VDR: variants seen among roughly 807,000 people sequenced by gnomAD.
VDR encodes vitamin D3 receptor.
In VDR, 19 loss-of-function variants were observed where a neutral mutation model predicts 39.7. The ratio of observed to expected loss-of-function variants is 0.48; its 90% CI spans 0.33 to 0.70. The LOEUF (loss-of-function observed/expected upper bound fraction) is 0.70. Among genes scored for constraint, VDR ranks in the 30% least tolerant of loss-of-function variants. The pLI is 0.02. For missense variants in VDR, 442 were observed against 570.5 expected, an observed-to-expected ratio of 0.77 and a Z score of 2.29; for synonymous variants, 242 against 215.8, an observed-to-expected ratio of 1.12 and a Z score of -1.07.
intron 1 of VDR, among the ~76,000 whole-genome samples, chr12:47,884,786 C>T (rs1946222994): frequency 6.6e-6 from 1 of 152,074 alleles, no homozygotes; most frequent in African/African-American, 2.4e-5. Flanking sequence ...GGGGATTGTT[C>T]TTTTCCTTCC....
At chr12:47,871,338 C>CT (rs1555153541) in intron 3 of VDR, among the ~76,000 whole-genome samples, 2 of 145,384 alleles carry the variant, frequency 1.4e-5, no homozygotes, top group African/African-American at 5.1e-5. Flanking sequence ...TTCTTTCTTT[C>CT]TTTCTTTCTT....
chr12:47,879,211 GCCCCCAC>G, intron 2 of VDR, 96 bp from the exon 3 acceptor site: 1 of 1,285,250 alleles, frequency 7.8e-7, no homozygotes, highest in Non-Finnish European at 1.0e-6. Context: ...TCATCCCACC[GCCCCCAC>G]CCCCCACCAC....
chr12:47,860,996 T>C (rs1592111991), intron 4 of VDR, among the ~76,000 whole-genome samples: 1 of 152,268 alleles, frequency 6.6e-6, no homozygotes, highest in Admixed American at 6.5e-5. Flanking sequence ...GCAGGTGCTG[T>C]TGTTATTCCC....
chr12:47,860,439 G>T (rs967192055), intron 4 of VDR, among the ~76,000 whole-genome samples: 1 of 152,190 alleles, frequency 6.6e-6, no homozygotes, highest in African/African-American at 2.4e-5. Context: ...CTCTAGTGCT[G>T]CTTGTCTCCT....
chr12:47,903,866 C>A (rs1476909499), intron 1 of VDR, among the ~76,000 whole-genome samples: 1 of 152,196 alleles, frequency 6.6e-6, no homozygotes, highest in Non-Finnish European at 1.5e-5. Context: ...CTGCTAGAAT[C>A]ATCTCATAGC....
At position 47,844,728 on chromosome 12, in the gene VDR, C is replaced by T. The variant is rs761409143; in HGVS notation, c.*18G>A. The T allele has an allele frequency of 1.6e-5, 26 of 1,613,570 alleles. No homozygotes were observed. The highest frequency in any genetic ancestry group is 7.7e-5 in the South Asian group (7 of 91,086). On this transcript the variant is annotated 3_prime_UTR_variant, in exon 10 of 10. Transcript: ENST00000549336. Reference sequence around the variant, plus strand: ...TGGAGGAGCAGCCCCACCCAGGCACCGCCACAGGCTGTCCTAGTCAGGAGA... The same window carrying T: ...TGGAGGAGCAGCCCCACCCAGGCACTGCCACAGGCTGTCCTAGTCAGGAGA...
intron 6 of VDR, 24 bp downstream of exon 6, chr12:47,857,105 A>G (rs376702030): frequency 5.9e-5 from 96 of 1,613,556 alleles, no homozygotes; most frequent in Admixed American, 2.0e-4. Context: ...CCCTTACTCT[A>G]TGGAGGACTG....
intron 3 of VDR, among the ~76,000 whole-genome samples, chr12:47,872,374 G>A (rs970157406): frequency 2.0e-5 from 3 of 152,280 alleles, no homozygotes; most frequent in South Asian, 4.1e-4. Context: ...GCAGTGGGAG[G>A]GAGTGCTGAG....
chr12:47,897,561 T>C (rs1472310405), intron 1 of VDR, among the ~76,000 whole-genome samples: 4 of 152,316 alleles, frequency 2.6e-5, no homozygotes, highest in South Asian at 2.1e-4. Flanking sequence ...CTTTGTCCCA[T>C]GGGTGGATGG....
chr12:47,855,605 C>A, intron 7 of VDR, 25 bp downstream of exon 7: 1 of 1,613,528 alleles, frequency 6.2e-7, no homozygotes, highest in Non-Finnish European at 8.5e-7. Context: ...GACTCTGTTC[C>A]CCAGAGATTG....
chr12:47,865,008 A>C, intron 4 of VDR, 39 bp downstream of exon 4: 1 of 1,610,660 alleles, frequency 6.2e-7, no homozygotes, highest in Non-Finnish European at 8.5e-7. Flanking sequence ...CCCTGACTCC[A>C]CTTCAGGCCC....
chr12:47,880,283 G>C (rs1946119923), intron 2 of VDR, among the ~76,000 whole-genome samples: 1 of 152,272 alleles, frequency 6.6e-6, no homozygotes, highest in South Asian at 2.1e-4. Flanking sequence ...TTGGGTGACA[G>C]AGGCAGATTC....
rs931443183 is a variant in VDR, at chr12:47,884,151, C to A, written c.-83-1377G>T. 3.9e-5 allele frequency among the ~76,000 whole-genome samples: 6 copies of A among 152,270 alleles called. No individual in the cohort carries two copies. In the East Asian group the frequency reaches 9.6e-4, roughly 24 times the overall value. On this transcript the variant is annotated intron_variant, in intron 1 of 9. Transcript: ENST00000549336. ...GTGCTCAGGAAGGTGAGGTGGGGAC[C>A]GGGTGGATGCAGAAAGGAGCACTGC...
intron 3 of VDR, among the ~76,000 whole-genome samples, chr12:47,867,352 T>C (rs190416308): frequency 8.6e-5 from 13 of 150,716 alleles, no homozygotes; most frequent in African/African-American, 2.9e-4. Context: ...AGACTCTGTC[T>C]CAAAAAAAAA....
intron 1 of VDR, 35 bp from the exon 2 acceptor site, chr12:47,882,809 C>T (rs1022370238): frequency 6.3e-5 from 96 of 1,516,832 alleles, no homozygotes; most frequent in Non-Finnish European, 8.0e-5. Context: ...TTATCTAAGG[C>T]GGAGCGCTGA....
chr12:47,891,233 T>C (rs887419007), intron 1 of VDR, among the ~76,000 whole-genome samples: 21 of 152,190 alleles, frequency 1.4e-4, no homozygotes. Flanking sequence ...CATTCCTGTC[T>C]CCTTATCTAC....
chr12:47,846,456 G>A lies in VDR; in HGVS notation c.908-5C>T. 1 of 1,562,920 alleles carries A rather than the reference G, an allele frequency of 6.4e-7. No homozygotes were observed. Among genetic ancestry groups the A allele is most frequent in the East Asian group, 2.4e-5 (1 of 41,988 alleles). On this transcript the variant is annotated splice_region_variant and splice_polypyrimidine_tract_variant and intron_variant, in intron 8 of 9. Transcript: ENST00000549336. ...TCAGCTCCAGGCTGTGTCCGGCTGTGAGAGACAATGGCCAGGTACTGCGGG... is the reference window on the plus strand; with the variant it reads ...TCAGCTCCAGGCTGTGTCCGGCTGTAAGAGACAATGGCCAGGTACTGCGGG...
At chr12:47,895,780 G>T (rs1946454888) in intron 1 of VDR, among the ~76,000 whole-genome samples, 1 of 152,230 alleles carries the variant, frequency 6.6e-6, no homozygotes, top group Admixed American at 6.5e-5. Flanking sequence ...AAAAAAATCT[G>T]AATGTCCAGC....
At chr12:47,899,272 C>T (rs530785522) in intron 1 of VDR, among the ~76,000 whole-genome samples, 2 of 152,244 alleles carry the variant, frequency 1.3e-5, no homozygotes, top group Admixed American at 1.3e-4. Context: ...TCTTTTTTCC[C>T]CACTGTTAAA....
Sources: gnomAD v4.1 joint callset for allele counts (sites outside exome capture counted in the v4.1 genomes callset) on GRCh38, gnomAD v4.1.1 for gene constraint, MANE v1.5 for transcripts, NCBI Gene and HGNC (gene_info 2026-07-23, HGNC 2026-07-21) for gene names.